EML6: variants seen among roughly 807,000 people sequenced by gnomAD.
EML6 encodes the protein EMAP like 6.
Under a neutral mutation model 240.1 loss-of-function variants are expected in EML6, and 154 were observed. The ratio of observed to expected loss-of-function variants is 0.64; its 90% CI spans 0.56 to 0.73. The LOEUF is 0.73. Among genes scored for constraint, EML6 ranks in the 30% least tolerant of loss-of-function variants. The probability of loss-of-function intolerance (pLI) is 0.00; values close to 1 mark genes in which losing one functional copy is unlikely to be tolerated. For missense variants in EML6, 2,964 were observed against 2,474.6 expected, an observed-to-expected ratio of 1.20 and a Z score of -4.20; for synonymous variants, 1,148 against 899.0, an observed-to-expected ratio of 1.28 and a Z score of -4.95.
At chr2:54,855,531 A>G (rs1041074296) in intron 11 of EML6, among the ~76,000 whole-genome samples, 6 of 145,008 alleles carry the variant, frequency 4.1e-5, no homozygotes, top group Non-Finnish European at 8.9e-5. Flanking sequence ...TGTCCAAACT[A>G]TATTACAGAG....
intron 2 of EML6, among the ~76,000 whole-genome samples, chr2:54,810,092 C>G (rs1273999626): frequency 6.6e-6 from 1 of 152,200 alleles, no homozygotes; most frequent in Non-Finnish European, 1.5e-5. Flanking sequence ...GTCACAGACT[C>G]TGGCTCATGA....
chr2:54,960,380 A>T (rs1189562593), intron 35 of EML6, 46 bp downstream of exon 35: 1 of 1,409,374 alleles, frequency 7.1e-7, no homozygotes, highest in Non-Finnish European at 9.8e-7. Context: ...GGAAGGGGGA[A>T]GTGTAGGTAC....
intron 2 of EML6, among the ~76,000 whole-genome samples, chr2:54,803,971 C>G (rs917008876): frequency 6.6e-6 from 1 of 152,156 alleles, no homozygotes; most frequent in Admixed American, 6.5e-5. Flanking sequence ...GAATGATAGG[C>G]CATTTAATGC....
At chr2:54,885,403 T>C in intron 17 of EML6, among the ~76,000 whole-genome samples, 1 of 151,782 alleles carries the variant, frequency 6.6e-6, no homozygotes, top group Non-Finnish European at 1.5e-5. Context: ...GCCGAGATCA[T>C]GCCACTGCAT....
chr2:54,958,148 C>G, intron 33 of EML6, 150 bp downstream of exon 33: 1 of 658,780 alleles, frequency 1.5e-6, no homozygotes, highest in East Asian at 2.7e-5. Flanking sequence ...TCTGCAACCA[C>G]TGTTCCTTTT....
intron 25 of EML6, among the ~76,000 whole-genome samples, chr2:54,914,269 GCACTGT>G (rs1376276719): frequency 6.6e-6 from 1 of 152,168 alleles, no homozygotes; most frequent in Non-Finnish European, 1.5e-5. Context: ...AAGACCTACA[GCACTGT>G]GATCTTAACC....
At chr2:54,961,143 A>C (rs1218756544) in intron 35 of EML6, among the ~76,000 whole-genome samples, 1 of 145,138 alleles carries the variant, frequency 6.9e-6, no homozygotes, top group East Asian at 2.1e-4. Flanking sequence ...TGGGAGATGA[A>C]GGCAGGACTA....
At chr2:54,732,202 A>T (rs1336289449) in intron 2 of EML6, among the ~76,000 whole-genome samples, 1 of 150,386 alleles carries the variant, frequency 6.6e-6, no homozygotes, top group Non-Finnish European at 1.5e-5. Context: ...TCTGGGTATG[A>T]GTCCCTTATA....
intron 24 of EML6, among the ~76,000 whole-genome samples, chr2:54,910,210 T>C (rs1440449216): frequency 6.6e-6 from 1 of 152,212 alleles, no homozygotes; most frequent in Admixed American, 6.5e-5. Flanking sequence ...TGTTTGAAAC[T>C]TTCCATAATA....
intron 21 of EML6, among the ~76,000 whole-genome samples, chr2:54,898,266 A>G (rs17046465): frequency 0.1 from 15,645 of 152,160 alleles, 923 homozygotes; most frequent in African/African-American, 0.15. Flanking sequence ...GGATTAAAAT[A>G]AACAGATTAA....
intron 12 of EML6, among the ~76,000 whole-genome samples, chr2:54,860,057 C>T (rs1322277189): frequency 1.3e-5 from 2 of 152,128 alleles, no homozygotes; most frequent in Non-Finnish European, 2.9e-5. Context: ...GAAACTCCTA[C>T]CCACCAGGCA....
At chr2:54,946,865 C>T (rs985735346) in intron 28 of EML6, among the ~76,000 whole-genome samples, 3 of 151,484 alleles carry the variant, frequency 2.0e-5, no homozygotes, top group African/African-American at 7.3e-5. Flanking sequence ...CATATGCTTG[C>T]GAAATGAGAA....
chr2:54,887,415 G>C (rs1354337548), intron 17 of EML6, among the ~76,000 whole-genome samples: 3 of 152,072 alleles, frequency 2.0e-5, no homozygotes, highest in Admixed American at 2.0e-4. Flanking sequence ...TTAAATGTTA[G>C]GGTTATTTGA....
intron 17 of EML6, among the ~76,000 whole-genome samples, chr2:54,887,431 G>C (rs147443579): frequency 6.6e-6 from 1 of 152,184 alleles, no homozygotes; most frequent in East Asian, 1.9e-4. Context: ...TTTGAGTTTT[G>C]TCTATAACTT....
intron 24 of EML6, among the ~76,000 whole-genome samples, chr2:54,910,174 G>A (rs1423546947): frequency 1.3e-5 from 2 of 152,038 alleles, no homozygotes; most frequent in African/African-American, 4.8e-5. Context: ...GGCATACAGG[G>A]GTTCTTTATA....
intron 10 of EML6, among the ~76,000 whole-genome samples, chr2:54,852,648 C>T (rs561929294): frequency 1.3e-5 from 2 of 152,258 alleles, no homozygotes; most frequent in South Asian, 2.1e-4. Context: ...CAACTACAGA[C>T]GTTTTTATTT....
At chr2:54,776,951 T>C (rs1572883963) in intron 2 of EML6, among the ~76,000 whole-genome samples, 1 of 152,220 alleles carries the variant, frequency 6.6e-6, no homozygotes, top group African/African-American at 2.4e-5. Flanking sequence ...AAGAGATTCT[T>C]TGGTTTAAAA....
chr2:54,790,484 C>T (rs998217716), intron 2 of EML6, among the ~76,000 whole-genome samples: 1 of 152,174 alleles, frequency 6.6e-6, no homozygotes, highest in African/African-American at 2.4e-5. Context: ...CACTCTTAAT[C>T]TGTGTGTACA....
rs1342074986 is a variant in EML6, at chr2:54,894,887, A to G, written c.2743-28A>G. ...GGTAATTGGTCATTTTGATGTGTAT[A>G]TAATACCTCTCATGTGTGCCTTCAC... On this transcript the variant is annotated intron_variant, in intron 19 of 41. Coordinates refer to ENST00000356458, the MANE Select transcript of EML6 (RefSeq NM_001039753.4). 16 of 1,491,656 alleles carry G rather than the reference A, an allele frequency of 1.1e-5. 1 individual carries two copies. Among genetic ancestry groups the G allele is most frequent in the African/African-American group, 4.2e-5 (3 of 71,908 alleles). 92.4% of individuals were successfully genotyped at this position (1,491,656 alleles called of 1,614,324 possible).
Sources: allele counts gnomAD v4.1 joint callset (sites outside exome capture counted in the v4.1 genomes callset), GRCh38; gene constraint gnomAD v4.1.1; transcripts MANE v1.5; gene names NCBI Gene and HGNC (gene_info 2026-07-23, HGNC 2026-07-21).